Variants in CELF2 observed in about 807,000 individuals in gnomAD.
The protein encoded by CELF2 is CUG triplet repeat RNA-binding protein 2.
In CELF2, 8 loss-of-function variants were observed where a neutral mutation model predicts 62.6. That is an observed-to-expected ratio of 0.13 (90% CI 0.07 to 0.23). The LOEUF is 0.23. CELF2 is among the 10% of genes least tolerant of loss of function. The probability of loss-of-function intolerance (pLI) is 1.00; values close to 1 mark genes in which losing one functional copy is unlikely to be tolerated. For synonymous variants in CELF2, 258 were observed against 250.0 expected (o/e 1.03, Z -0.30); for missense variants, 333 against 671.0 (o/e 0.50, Z 5.56).
intron 1 of CELF2, among the ~76,000 whole-genome samples, chr10:10,813,489 T>C (rs1189991973): frequency 6.6e-6 from 1 of 152,236 alleles, no homozygotes; most frequent in African/African-American, 2.4e-5. Flanking sequence ...TTTTGTGAAC[T>C]GGGAAGATGT....
chr10:11,194,625 T>C (rs2056934042), intron 2 of CELF2, among the ~76,000 whole-genome samples: 1 of 152,174 alleles, frequency 6.6e-6, no homozygotes, highest in Non-Finnish European at 1.5e-5. Context: ...AAATGCACTC[T>C]TGCTAGCCCT....
chr10:10,807,835 T>C (rs2055394553), intron 1 of CELF2, among the ~76,000 whole-genome samples: 1 of 152,218 alleles, frequency 6.6e-6, no homozygotes, highest in African/African-American at 2.4e-5. Context: ...TTTATGAAGC[T>C]GTCAGCTTCT....
rs569172696 is a variant in CELF2, at chr10:10,961,359, A to G, written c.89+41360A>G. 3.5e-4 allele frequency among the ~76,000 whole-genome samples: 53 copies of G among 152,358 alleles called. 2 individuals are homozygous for G. In the South Asian group the frequency reaches 0.01, roughly 30 times the overall value. ...TGTATTGTGAAATGTTACCATATTA[A>G]AGTAAGGAGTGGGTGATATTCTCAT... On this transcript the variant is annotated intron_variant, in intron 2 of 13. Transcript: ENST00000636488.
chr10:10,738,890 A>C, the CELF2 span, among the ~76,000 whole-genome samples: 3 of 152,224 alleles, frequency 2.0e-5, no homozygotes, highest in African/African-American at 7.2e-5. Flanking sequence ...ATAATAATGT[A>C]TCAACTTTTA....
intron 1 of CELF2, among the ~76,000 whole-genome samples, chr10:11,083,140 G>A (rs11256968): frequency 0.045 from 6,823 of 152,236 alleles, 198 homozygotes; most frequent in Middle Eastern, 0.088. Flanking sequence ...GCAGTGAGGT[G>A]GGGGTTCAGG....
intron 2 of CELF2, among the ~76,000 whole-genome samples, chr10:10,974,044 A>T (rs943000543): frequency 1.3e-5 from 2 of 152,216 alleles, no homozygotes; most frequent in Admixed American, 6.5e-5. Flanking sequence ...GGGGTCAGAC[A>T]CATCTATACC....
At chr10:10,872,003 A>G (rs1383117196) in intron 1 of CELF2, among the ~76,000 whole-genome samples, 1 of 152,192 alleles carries the variant, frequency 6.6e-6, no homozygotes, top group Non-Finnish European at 1.5e-5. Flanking sequence ...AAAGAAGCTT[A>G]TATCTTAAAG....
rs529804253 is a variant in CELF2 at position 10,824,950 on chromosome 10, T to C, written c.53+26133T>C. ...GAAATATTTCATCAGGCAGTGACCT[T>C]TGTGTTTGTCATTGTTTGTCCTCTC... On this transcript the variant is annotated intron_variant, in intron 1 of 13. Coordinates refer to the CELF2 transcript ENST00000636488. Among the ~76,000 whole-genome samples the C allele has an allele frequency of 2.0e-5, 3 of 152,230 alleles. No individual in the cohort carries two copies. The South Asian group carries it at 6.2e-4, about 32-fold the overall frequency.
chr10:10,538,917 A>C, the CELF2 span, among the ~76,000 whole-genome samples: 162 of 152,286 alleles, frequency 1.1e-3, no homozygotes, highest in African/African-American at 3.8e-3. Context: ...TCCTTTGTTT[A>C]ATTTTCCCGC....
chr10:10,945,218 G>C (rs913290554), intron 2 of CELF2, among the ~76,000 whole-genome samples: 5 of 152,196 alleles, frequency 3.3e-5, no homozygotes, highest in Non-Finnish European at 7.3e-5. Flanking sequence ...GAAGCAGGGG[G>C]ACAAGGTTGT....
Position 11,145,163 on chromosome 10 carries a change from T to C in CELF2, c.75-20323T>C, listed in dbSNP as rs909475707. ...TCCCACATTCTGGAAGCAAATGTTA[T>C]ATTTACCATAATCCATGAAAGGAAA... On this transcript the variant is annotated intron_variant, in intron 1 of 12. Coordinates refer to ENST00000633077, the MANE Select transcript of CELF2 (RefSeq NM_001326342.2). This position sits in a 1 kb window ranked among gnomAD's most constrained non-coding sequence, Gnocchi z 4.3. Among the ~76,000 whole-genome samples the C allele has an allele frequency of 1.3e-5, 2 of 152,224 alleles. No individual in the cohort carries two copies. The highest frequency in any genetic ancestry group is 2.9e-5 in the Non-Finnish European group (2 of 68,044).
chr10:10,546,922 C>T, the CELF2 span, among the ~76,000 whole-genome samples: 1 of 152,050 alleles, frequency 6.6e-6, no homozygotes, highest in Non-Finnish European at 1.5e-5. Context: ...GCCTGGGCAA[C>T]ATGGCGAAAC....
At position 11,275,091 on chromosome 10, in the gene CELF2, G is replaced by T. The variant is rs1357985228; in HGVS notation, c.812G>T (p.Gly271Val). The T allele has an allele frequency of 6.2e-7, 1 of 1,614,206 alleles. No homozygotes were observed. Among genetic ancestry groups the T allele is most frequent in the Non-Finnish European group, 8.5e-7 (1 of 1,180,032 alleles). ...CAGGCCACCTCCTCCAGCAACCTGG[G>T]TGCGTTCAGCGGCATTCAACAAATG... ...LQQATSSSNL[G>V]AFSGIQQMAG... Residue 271 changes from glycine (G) to valine (V), a missense_variant, in exon 8 of 13, where the codon GGT (glycine) becomes GTT (valine). Gly to Val is a moderately radical substitution (Grantham distance 109). Around this residue, in one of 3 missense-constraint regions of CELF2, gnomAD observed 253 missense variants for 503.0 expected, o/e 0.50. Transcript: ENST00000633077.
At chr10:11,043,465 T>C (rs1721578017) in intron 1 of CELF2, among the ~76,000 whole-genome samples, 1 of 152,240 alleles carries the variant, frequency 6.6e-6, no homozygotes, top group African/African-American at 2.4e-5. Flanking sequence ...TGTGTGTTTC[T>C]AGCCTCAACC....
the CELF2 span, among the ~76,000 whole-genome samples, chr10:10,547,472 C>A: frequency 3.3e-5 from 5 of 152,092 alleles, no homozygotes; most frequent in African/African-American, 1.2e-4. Context: ...AAAAGCAAAG[C>A]GCACAAAAAG....
At chr10:10,653,600 C>A in the CELF2 span, among the ~76,000 whole-genome samples, 2 of 130,220 alleles carry the variant, frequency 1.5e-5, no homozygotes, top group African/African-American at 2.9e-5. Flanking sequence ...AACTGAACAA[C>A]CTGCTCCTGA....
chr10:10,858,567 C>G (rs2059882304), intron 1 of CELF2, among the ~76,000 whole-genome samples: 1 of 152,046 alleles, frequency 6.6e-6, no homozygotes, highest in Non-Finnish European at 1.5e-5. Context: ...TATTTTTCTT[C>G]CTACTGTCAA....
rs1459874175 is a variant in CELF2, at chr10:11,255,912, TCTC to T, written c.404-1819_404-1817del. ...CCATTGCTCTCCCCTTCAAGCCTTC[TCTC>T]CTCCTCTGAACTTGGAGGAGACACA... is the stretch of plus-strand genomic sequence containing the variant. On this transcript the variant is annotated intron_variant, in intron 4 of 12. Transcript: ENST00000633077. The surrounding 1 kb of genome is among the most constrained non-coding windows in gnomAD (Gnocchi z 5.5). Among the ~76,000 whole-genome samples, 3 of 152,138 alleles carry T rather than the reference TCTC, an allele frequency of 2.0e-5. No homozygotes were observed. The highest frequency in any genetic ancestry group is 2.9e-5 in the Non-Finnish European group (2 of 68,004).
At chr10:11,303,931 T>C (rs776574116) in intron 9 of CELF2, among the ~76,000 whole-genome samples, 6 of 152,212 alleles carry the variant, frequency 3.9e-5, no homozygotes, top group Non-Finnish European at 8.8e-5. Flanking sequence ...GGCTAAGGCA[T>C]GTGACGTGCT....
Sources: allele counts gnomAD v4.1 joint callset (sites outside exome capture counted in the v4.1 genomes callset), GRCh38; gene constraint gnomAD v4.1.1; regional missense constraint gnomAD v4.1.1; non-coding constraint Gnocchi (gnomAD v3.1); transcripts MANE v1.5; gene names NCBI Gene and HGNC (gene_info 2026-07-23, HGNC 2026-07-21).